Variants in RPH3AL observed in about 807,000 individuals in gnomAD.
RPH3AL encodes the protein rabphilin 3A like (without C2 domains), also known as rab effector Noc2.
Under a neutral mutation model 43.1 loss-of-function variants are expected in RPH3AL, and 38 were observed. The observed-to-expected ratio is 0.88, with a 90% CI of 0.68 to 1.15. The LOEUF is 1.15. Among genes scored for constraint, RPH3AL ranks in the 50% most tolerant of loss-of-function variants. The pLI, the probability that RPH3AL is intolerant of heterozygous loss-of-function variation, is 0.00. For synonymous variants in RPH3AL, 189 were observed against 176.3 expected (o/e 1.07, Z -0.57); for missense variants, 462 against 423.2 (o/e 1.09, Z -0.81).
chr17:343,122 C>T (rs1454640704), intron 1 of RPH3AL, among the ~76,000 whole-genome samples: 2 of 152,216 alleles, frequency 1.3e-5, no homozygotes, highest in Non-Finnish European at 2.9e-5. Context: ...CAGACAATGA[C>T]CTTGCAAGGT....
intron 5 of RPH3AL, among the ~76,000 whole-genome samples, chr17:317,517 A>G (rs1347074179): frequency 6.7e-6 from 1 of 149,640 alleles, no homozygotes; most frequent in East Asian, 2.0e-4. Flanking sequence ...CTGTGCCCCC[A>G]CCTCCATTGA....
rs139108107 is a variant in RPH3AL, at chr17:327,520, G to A, written c.24C>T (p.Ser8=). 4,348 of 1,613,888 alleles carry A rather than the reference G, an allele frequency of 2.7e-3. 14 individuals carry two copies. The highest frequency in any genetic ancestry group is 2.9e-3 in the Non-Finnish European group (3,415 of 1,179,948). The part of the protein sequence containing the change: MADTIFG[S]GNDQWVCPND... ...TGGGGCAAACCCACTGATCATTCCC[G>A]CTGCCGAAGATGGTGTCGGCCATGG... Residue 8 remains serine, a synonymous_variant, in exon 3 of 10, where the codon AGC becomes AGT. Transcript: ENST00000331302.
At chr17:351,926 G>A (rs374299931) in intron 1 of RPH3AL, among the ~76,000 whole-genome samples, 5 of 152,164 alleles carry the variant, frequency 3.3e-5, no homozygotes, top group African/African-American at 1.2e-4. Flanking sequence ...ACAGCACCTC[G>A]AGGGACAAGG....
chr17:243,980 C>T (rs184157682), intron 7 of RPH3AL, among the ~76,000 whole-genome samples: 2 of 151,056 alleles, frequency 1.3e-5, no homozygotes, highest in East Asian at 4.0e-4. Flanking sequence ...TTACCTTCCT[C>T]TATTGATTAC....
At chr17:234,483 ATG>A in intron 7 of RPH3AL, 2 of 164,314 alleles carry the variant, frequency 1.2e-5, no homozygotes, top group Non-Finnish European at 2.7e-5. Context: ...TTTTTTAAAA[ATG>A]AGAGTTCTCC....
intron 6 of RPH3AL, among the ~76,000 whole-genome samples, chr17:251,946 C>G (rs2041912124): frequency 6.6e-6 from 1 of 151,378 alleles, no homozygotes; most frequent in East Asian, 1.9e-4. Context: ...TCTCCCCCAC[C>G]CGCCTTGGAA....
At chr17:288,863 C>G (rs1277888636) in intron 5 of RPH3AL, among the ~76,000 whole-genome samples, 2 of 1,606 alleles carry the variant, frequency 1.2e-3, no homozygotes, top group Admixed American at 0.031. Context: ...GACCTCGCAC[C>G]CTCTCTCTCC....
chr17:259,197 C>A (rs553770640), intron 6 of RPH3AL, among the ~76,000 whole-genome samples: 2 of 152,290 alleles, frequency 1.3e-5, no homozygotes, highest in East Asian at 3.9e-4. Flanking sequence ...TGATCTGGAC[C>A]AGCGTGAGGA....
At chr17:241,717 T>C (rs2041539793) in intron 7 of RPH3AL, among the ~76,000 whole-genome samples, 1 of 98,750 alleles carries the variant, frequency 1.0e-5, no homozygotes, top group Non-Finnish European at 2.1e-5. Context: ...TTTTCTTTTT[T>C]TTTCTTTTTT....
At chr17:250,236 C>G (rs2041864107) in intron 6 of RPH3AL, among the ~76,000 whole-genome samples, 1 of 133,674 alleles carries the variant, frequency 7.5e-6, no homozygotes, top group South Asian at 2.5e-4. Flanking sequence ...TGCGGGACCT[C>G]TCAGAGCCTT....
chr17:269,335 G>A (rs1233823570), intron 6 of RPH3AL, among the ~76,000 whole-genome samples: 1 of 152,128 alleles, frequency 6.6e-6, no homozygotes, highest in Non-Finnish European at 1.5e-5. Context: ...AGCATCTAGT[G>A]TATGATACGA....
In RPH3AL at chr17:323,714, C is replaced by T. The variant is rs530546404; in HGVS notation, c.78-2299G>A. Among the ~76,000 whole-genome samples, 14 of 152,306 alleles carry T rather than the reference C, an allele frequency of 9.2e-5. No homozygotes were observed. Among genetic ancestry groups the T allele is most frequent in the African/African-American group, 3.1e-4 (13 of 41,552 alleles). On this transcript the variant is annotated intron_variant, in intron 3 of 9. Transcript: ENST00000331302. This position sits in a 1 kb window ranked among gnomAD's most constrained non-coding sequence, Gnocchi z 4.4. ...CCACCACTGCCTGTCCTGATGGACACGGGTCCCACGAGCTTGTTCTGGGGC... is the reference window on the plus strand; with the variant it reads ...CCACCACTGCCTGTCCTGATGGACATGGGTCCCACGAGCTTGTTCTGGGGC...
At chr17:296,827 A>C (rs376582581) in intron 5 of RPH3AL, among the ~76,000 whole-genome samples, 110 of 152,362 alleles carry the variant, frequency 7.2e-4, no homozygotes, top group African/African-American at 2.6e-3. Flanking sequence ...TGAAACGTGG[A>C]TCAATGCTGC....
chr17:219,642 G>C lies in RPH3AL; in HGVS notation c.708C>G (p.Asp236Glu). The C allele has an allele frequency of 1.9e-6, 3 of 1,577,342 alleles. No individual in the cohort carries two copies. The highest frequency in any genetic ancestry group is 2.6e-6 in the Non-Finnish European group (3 of 1,160,382). The change falls in exon 8 of 10, where the codon GAC becomes GAG. Residue 236 changes from aspartate (D) to glutamate (E), a missense_variant. Transcript: ENST00000331302. The part of the protein sequence containing the change: ...PSTGVRDRKG[D>E]KPWKESGGSV... The stretch of plus-strand genomic sequence containing the variant: ...CCTTACCTGACTCCTTCCAGGGTTT[G>C]TCGCCTTTCCGGTCCCTGACCCCAG...
At chr17:309,211 A>G (rs886227630) in intron 5 of RPH3AL, among the ~76,000 whole-genome samples, 3 of 152,142 alleles carry the variant, frequency 2.0e-5, no homozygotes, top group Middle Eastern at 3.2e-3. Context: ...GGGAGGATCG[A>G]TTGAGCCCAG....
At chr17:297,763 C>T (rs1016100451) in intron 5 of RPH3AL, among the ~76,000 whole-genome samples, 1 of 152,220 alleles carries the variant, frequency 6.6e-6, no homozygotes, top group African/African-American at 2.4e-5. Context: ...CTCTCTCCAC[C>T]ATCCCCTTCC....
chr17:277,348 GTTTA>G (rs1001243066), intron 6 of RPH3AL, among the ~76,000 whole-genome samples: 2 of 152,136 alleles, frequency 1.3e-5, no homozygotes, highest in Non-Finnish European at 2.9e-5. Context: ...TTTGGAAGGT[GTTTA>G]TTTATTTATG....
At chr17:334,434 C>G (rs1319576495) in intron 1 of RPH3AL, among the ~76,000 whole-genome samples, 1 of 152,002 alleles carries the variant, frequency 6.6e-6, no homozygotes, top group Non-Finnish European at 1.5e-5. Context: ...GGCAACCACC[C>G]CAGCAAGTGC....
At position 246,456 on chromosome 17, in the gene RPH3AL, A is replaced by G. The variant is rs1187060350; in HGVS notation, c.613+655T>C. Among the ~76,000 whole-genome samples, 1 of 152,128 alleles carries G rather than the reference A, an allele frequency of 6.6e-6. No homozygotes were observed. The highest frequency in any genetic ancestry group is 1.5e-5 in the Non-Finnish European group (1 of 68,022). On this transcript the variant is annotated intron_variant, in intron 7 of 9. Transcript: ENST00000331302. This position sits in a 1 kb window ranked among gnomAD's most constrained non-coding sequence, Gnocchi z 4.8. ...CTCCTCTTCTCTGAGCCGCAGGTACACCCATCTATAAAATGCAGTCATTAA... is the reference window on the plus strand; with the variant it reads ...CTCCTCTTCTCTGAGCCGCAGGTACGCCCATCTATAAAATGCAGTCATTAA...
Sources: allele counts gnomAD v4.1 joint callset (sites outside exome capture counted in the v4.1 genomes callset), GRCh38; gene constraint gnomAD v4.1.1; non-coding constraint Gnocchi (gnomAD v3.1); transcripts MANE v1.5; gene names NCBI Gene and HGNC (gene_info 2026-07-23, HGNC 2026-07-21).